The following SECISBP2 variants were observed in gnomAD, a reference collection of about 807,000 sequenced individuals.
The protein encoded by SECISBP2 is SECIS binding protein 2.
Under a neutral mutation model 98.2 loss-of-function variants are expected in SECISBP2, and 96 were observed. The observed-to-expected ratio is 0.98, with a 90% confidence interval of 0.83 to 1.16. SECISBP2 has a LOEUF of 1.16. SECISBP2 is among the 50% of genes most tolerant of loss of function. The probability of loss-of-function intolerance (pLI) is 0.00; values close to 1 mark genes in which losing one functional copy is unlikely to be tolerated. For missense variants in SECISBP2, 1,046 were observed against 1,022.9 expected (o/e 1.02, Z -0.31); for synonymous variants, 407 against 370.2 (o/e 1.10, Z -1.14).
At chr9:89,350,879 A>G (rs1489605649) in intron 14 of SECISBP2, 27 bp downstream of exon 14, 4 of 1,595,242 alleles carry the variant, frequency 2.5e-6, no homozygotes, top group Non-Finnish European at 3.4e-6. Context: ...GTCCTGTGAT[A>G]TGTGGGCCCC....
At chr9:89,350,562 G>A (rs1428043616) in intron 13 of SECISBP2, 70 bp from the exon 14 acceptor site, 11 of 1,345,188 alleles carry the variant, frequency 8.2e-6, no homozygotes, top group Middle Eastern at 2.3e-4. Flanking sequence ...TTCTCCCTGG[G>A]GTGGGATGGG....
At chr9:89,347,672 T>A (rs1830631848) in intron 11 of SECISBP2, among the ~76,000 whole-genome samples, 1 of 151,980 alleles carries the variant, frequency 6.6e-6, no homozygotes, top group African/African-American at 2.4e-5. Flanking sequence ...AGAGACGAGG[T>A]CTCATCACCA....
In SECISBP2 at chr9:89,336,108, T is replaced by TTC. The variant is rs1554720204; in HGVS notation, c.1089+1378_1089+1379insTC. ...TTTTTTTTTTTTTTTTTTTTTTTTTTCACTGCAGCTTTGATCTCCCTGGCT... is the reference window on the plus strand; with the variant it reads ...TTTTTTTTTTTTTTTTTTTTTTTTTTTCCACTGCAGCTTTGATCTCCCTGGCT... On this transcript the variant is annotated intron_variant, in intron 7 of 16. Transcript: ENST00000375807. Among the ~76,000 whole-genome samples, 404 of 133,648 alleles carry TTC rather than the reference T, an allele frequency of 3.0e-3. 9 individuals are homozygous for TTC. Among genetic ancestry groups the TTC allele is most frequent in the South Asian group, 7.0e-3 (25 of 3,596 alleles). 87.7% of individuals were successfully genotyped at this position (133,648 alleles called of 152,430 possible).
chr9:89,357,883 G>C, intron 15 of SECISBP2, 116 bp from the exon 16 acceptor site: 1 of 1,166,340 alleles, frequency 8.6e-7, no homozygotes, highest in Non-Finnish European at 1.3e-6. Context: ...TAAGCATGAG[G>C]TCCACATTAC....
Position 89,348,056 on chromosome 9 carries a change from T to C in SECISBP2, c.1603-23T>C, listed in dbSNP as rs571320201. On this transcript the variant is annotated intron_variant, in intron 11 of 16. Coordinates refer to ENST00000375807, the MANE Select transcript of SECISBP2 (RefSeq NM_024077.5). ...TTTAAGTACAAGTATTTAGGCATTT[T>C]AATTGTTTATTTAATTTTTAAGATT... The C allele has an allele frequency of 2.2e-5, 35 of 1,594,986 alleles. No homozygotes were observed. The East Asian group carries it at 7.6e-4, about 35-fold the overall frequency.
intron 14 of SECISBP2, 115 bp from the exon 15 acceptor site, chr9:89,357,296 T>C: frequency 8.7e-7 from 1 of 1,152,022 alleles, no homozygotes; most frequent in South Asian, 1.2e-5. Context: ...GGCGTCTGCC[T>C]TGGATATAAA....
At position 89,328,773 on chromosome 9, in the gene SECISBP2, G is replaced by A. The variant is rs1478391739; in HGVS notation, c.688G>A (p.Glu230Lys). Residue 230 changes from glutamate (E) to lysine (K), a missense_variant, in exon 5 of 17, where the codon GAG (glutamate) becomes AAG (lysine). Physicochemically the swap from Glu to Lys is moderately conservative, Grantham distance 56. Coordinates refer to ENST00000375807, the MANE Select transcript of SECISBP2 (RefSeq NM_024077.5). ...TLDFPELQGA[E>K]NNMSEIQKQP... ...GGACTTTCCTGAACTGCAAGGTGCA[G>A]AGAACAATATGTCAGAGATACAGAA... is the stretch of plus-strand genomic sequence containing the variant. 2 of 1,614,088 alleles carry A rather than the reference G, an allele frequency of 1.2e-6. No individual in the cohort carries two copies. The highest frequency in any genetic ancestry group is 2.2e-5 in the East Asian group (1 of 44,898).
chr9:89,322,010 T>C (rs973560228), intron 2 of SECISBP2, among the ~76,000 whole-genome samples: 2 of 152,250 alleles, frequency 1.3e-5, no homozygotes, highest in African/African-American at 2.4e-5. Context: ...TAAGTCAACT[T>C]TGTATGTCCC....
chr9:89,334,653 AGT>A lies in SECISBP2; in HGVS notation c.1013_1014del (p.Ser338AsnfsTer5), dbSNP rs779731416. 8.9e-5 allele frequency: 143 copies of A among 1,614,124 alleles called. No homozygotes were observed. Among genetic ancestry groups the A allele is most frequent in the Middle Eastern group, 1.7e-4 (1 of 6,060 alleles). On this transcript the variant is annotated frameshift_variant, in exon 7 of 17. Coordinates refer to ENST00000375807, the MANE Select transcript of SECISBP2 (RefSeq NM_024077.5). LOFTEE classifies it high-confidence loss of function. ...TTCATCAGCAGATCCTAAAAATGTT[AGT>A]ATACCATCTTCTGAAGCTTTATCTT... ...IASSADPKNV[S>X]IPSSEALSSD... is the part of the protein sequence containing the mutation.
chr9:89,318,899 C>CG (rs1409504067), intron 1 of SECISBP2: 1 of 1,237,040 alleles, frequency 8.1e-7, no homozygotes, highest in Admixed American at 4.4e-5. Context: ...GCAGTCGGGG[C>CG]GGGGGGACTC....
At chr9:89,348,999 T>C (rs1446622602) in intron 12 of SECISBP2, among the ~76,000 whole-genome samples, 1 of 152,258 alleles carries the variant, frequency 6.6e-6, no homozygotes, top group East Asian at 1.9e-4. Flanking sequence ...ACACAAGCAC[T>C]CGTTCCTGTG....
At chr9:89,337,542 GTTTTGTT>G (rs972808822) in intron 7 of SECISBP2, among the ~76,000 whole-genome samples, 6 of 151,966 alleles carry the variant, frequency 3.9e-5, no homozygotes, top group African/African-American at 1.5e-4. Context: ...TTTTTGTTTT[GTTTTGTT>G]TTTTGTTTTC....
At chr9:89,346,793 C>A in intron 10 of SECISBP2, 89 bp from the exon 11 acceptor site, 1 of 1,527,776 alleles carries the variant, frequency 6.5e-7, no homozygotes, top group Admixed American at 1.7e-5. Flanking sequence ...TTCAGATACC[C>A]TGAGGCAGCC....
At chr9:89,366,771 C>A in the SECISBP2 span, among the ~76,000 whole-genome samples, 1 of 152,178 alleles carries the variant, frequency 6.6e-6, no homozygotes, top group African/African-American at 2.4e-5. Context: ...TCAAGTAACA[C>A]TTTTCTTTGA....
chr9:89,354,002 T>C (rs1831684965), intron 14 of SECISBP2, among the ~76,000 whole-genome samples: 1 of 152,246 alleles, frequency 6.6e-6, no homozygotes, highest in Admixed American at 6.5e-5. Flanking sequence ...GTTATAGCCT[T>C]GAATTAAGTT....
intron 2 of SECISBP2, chr9:89,322,236 T>G (rs1044864983): frequency 4.6e-5 from 7 of 152,286 alleles, no homozygotes; most frequent in Admixed American, 6.5e-5. Context: ...AGAAGTAGTC[T>G]GATAGATAAC....
intron 14 of SECISBP2, chr9:89,355,290 TGC>T: frequency 1.0e-6 from 1 of 985,248 alleles, no homozygotes; most frequent in Non-Finnish European, 1.2e-6. Flanking sequence ...GTAGGCCAGA[TGC>T]CTGGCCTACA....
intron 10 of SECISBP2, among the ~76,000 whole-genome samples, chr9:89,342,564 C>G (rs1829811552): frequency 6.6e-6 from 1 of 152,152 alleles, no homozygotes; most frequent in Non-Finnish European, 1.5e-5. Context: ...ATGTGGTATA[C>G]CTACACAATG....
Position 89,328,751 on chromosome 9 carries a change from CT to C in SECISBP2, c.669del (p.Pro224LeufsTer32), listed in dbSNP as rs1587874400. 4.3e-6 allele frequency: 7 copies of C among 1,614,096 alleles called. No homozygotes were observed. The highest frequency in any genetic ancestry group is 1.3e-5 in the African/African-American group (1 of 74,950). ...KPEFEFTTLDFPELQGAENNM... is the reference protein window; with the variant it reads ...KPEFEFTTLDXPELQGAENNM... ...CTGAGTTTGAATTTACCACACTGGA[CT>C]TTCCTGAACTGCAAGGTGCAGAGAA... is the stretch of plus-strand genomic sequence containing the variant. On this transcript the variant is annotated frameshift_variant, in exon 5 of 17. Coordinates refer to ENST00000375807, the MANE Select transcript of SECISBP2 (RefSeq NM_024077.5). LOFTEE classifies it high-confidence loss of function.
Sources: gnomAD v4.1 joint callset for allele counts (sites outside exome capture counted in the v4.1 genomes callset) on GRCh38, gnomAD v4.1.1 for gene constraint, MANE v1.5 for transcripts, NCBI Gene and HGNC (gene_info 2026-07-23, HGNC 2026-07-21) for gene names.